Variants in MSL3B observed in about 807,000 individuals in gnomAD.
MSL3B encodes MSL complex subunit 3B, also known as MSL complex subunit 3 pseudogene 1.
At chr2:233,867,398 TTC>T in the MSL3B span, 1 of 530,560 alleles carries the variant, frequency 1.9e-6, no homozygotes, top group African/African-American at 1.9e-5. Context: ...GAGCGGCTGC[TTC>T]TTTCTCTCTT....
At chr2:233,868,242 G>A in the MSL3B span, 32 of 387,534 alleles carry the variant, frequency 8.3e-5, no homozygotes, top group African/African-American at 3.8e-4. Flanking sequence ...TAGGTCGGAC[G>A]GCGTCCGACG....
the MSL3B span, chr2:233,866,015 C>T: frequency 1.0e-5 from 4 of 384,100 alleles, no homozygotes; most frequent in Non-Finnish European, 2.0e-5. Context: ...GTCAAAGCCC[C>T]CTGGTGGGCA....
chr2:233,865,747 G>C, the MSL3B span: 1 of 163,968 alleles, frequency 6.1e-6, no homozygotes, highest in African/African-American at 2.4e-5. Context: ...AAACCAATTT[G>C]CAAAAAAAAT....
chr2:233,866,422 T>G, the MSL3B span: 5 of 1,207,516 alleles, frequency 4.1e-6, no homozygotes, highest in Non-Finnish European at 6.2e-6. Flanking sequence ...GGACCTCATT[T>G]ATTTCATTAG....
the MSL3B span, among the ~76,000 whole-genome samples, chr2:233,867,919 T>C: frequency 1.3e-5 from 2 of 148,184 alleles, no homozygotes; most frequent in East Asian, 2.0e-4. Context: ...GCCTCACAAA[T>C]AGCTGGGATT....
At chr2:233,867,174 G>A in the MSL3B span, 1 of 787,482 alleles carries the variant, frequency 1.3e-6, no homozygotes. Flanking sequence ...GGGATTTCTA[G>A]AGTTACTGTT....
At chr2:233,866,736 G>C in the MSL3B span, 1 of 796,148 alleles carries the variant, frequency 1.3e-6, no homozygotes, top group Non-Finnish European at 2.3e-6. Flanking sequence ...GTAGACTGCG[G>C]CCTGGATGGA....
the MSL3B span, chr2:233,866,954 G>C: frequency 4.3e-6 from 6 of 1,399,816 alleles, no homozygotes; most frequent in African/African-American, 1.4e-5. Context: ...ATTCTTTTCT[G>C]CTGGGATATA....
the MSL3B span, among the ~76,000 whole-genome samples, chr2:233,867,693 G>T: frequency 4.0e-5 from 6 of 151,860 alleles, no homozygotes; most frequent in African/African-American, 1.4e-4. Flanking sequence ...GGCCAGGCGG[G>T]TCTCAAACTC....
chr2:233,866,957 G>T, the MSL3B span: 1 of 1,381,596 alleles, frequency 7.2e-7, no homozygotes, highest in Non-Finnish European at 1.0e-6. Context: ...CTTTTCTGCT[G>T]GGATATAAGG....
chr2:233,866,083 CAGAACACCATGCTAGATGG>C, the MSL3B span: 1 of 486,922 alleles, frequency 2.1e-6, no homozygotes, highest in Admixed American at 2.7e-5. Flanking sequence ...ACCTGGAACT[CAGAACACCATGCTAGATGG>C]AGCAGTTGTT....
chr2:233,867,230 AC>A, the MSL3B span: 1 of 765,068 alleles, frequency 1.3e-6, no homozygotes, highest in Admixed American at 1.8e-5. Flanking sequence ...TTCTTCTTTC[AC>A]TTCAGTCTTT....
At chr2:233,867,843 A>C in the MSL3B span, among the ~76,000 whole-genome samples, 1 of 122,776 alleles carries the variant, frequency 8.1e-6, no homozygotes, top group African/African-American at 3.2e-5. Context: ...CCCAGGCTAG[A>C]GTGCAATGGC....
the MSL3B span, chr2:233,866,111 T>C: frequency 1.8e-6 from 1 of 559,908 alleles, no homozygotes; most frequent in African/African-American, 1.9e-5. Context: ...GGAGCAGTTG[T>C]TCTTACAGAA....
the MSL3B span, chr2:233,866,970 C>G: frequency 7.4e-7 from 1 of 1,351,558 alleles, no homozygotes; most frequent in Non-Finnish European, 1.1e-6. Flanking sequence ...ATATAAGGCA[C>G]GTTCATGCTG....
the MSL3B span, chr2:233,866,984 T>A: frequency 1.5e-6 from 2 of 1,321,162 alleles, no homozygotes; most frequent in African/African-American, 2.9e-5. Flanking sequence ...CATGCTGGCA[T>A]GTGGCATAGC....
the MSL3B span, chr2:233,865,772 A>T: frequency 6.0e-6 from 1 of 167,782 alleles, no homozygotes; most frequent in African/African-American, 2.4e-5. Context: ...TTTAATGCTA[A>T]CAAATAACGA....
the MSL3B span, chr2:233,868,239 G>C: frequency 7.7e-6 from 3 of 389,154 alleles, no homozygotes; most frequent in Non-Finnish European, 1.6e-5. Flanking sequence ...ATCTAGGTCG[G>C]ACGGCGTCCG....
the MSL3B span, chr2:233,867,342 T>C: frequency 1.5e-4 from 98 of 633,312 alleles, no homozygotes; most frequent in Admixed American, 5.1e-4. Flanking sequence ...TTTTCTTCGA[T>C]GGAGAGGCCT....
Sources: allele counts gnomAD v4.1 joint callset (sites outside exome capture counted in the v4.1 genomes callset), GRCh38; gene constraint gnomAD v4.1.1; transcripts MANE v1.5; gene names NCBI Gene and HGNC (gene_info 2026-07-23, HGNC 2026-07-21).